BNC2: variants seen among roughly 807,000 people sequenced by gnomAD.
The protein encoded by BNC2 is basonuclin zinc finger protein 2.
A neutral mutation model predicts 76.3 loss-of-function variants in BNC2; 20 were observed. The observed-to-expected ratio is 0.26, with a 90% CI of 0.18 to 0.38. The LOEUF is 0.38. BNC2 is among the 10% of genes least tolerant of loss of function. The pLI, the probability that BNC2 is intolerant of heterozygous loss-of-function variation, is 1.00. For synonymous variants in BNC2, 582 were observed against 514.8 expected, an observed-to-expected ratio of 1.13 and a Z score of -1.77; for missense variants, 1,382 against 1,399.8, an observed-to-expected ratio of 0.99 and a Z score of 0.20.
chr9:16,776,907 C>T (rs1461614035), intron 1 of BNC2, among the ~76,000 whole-genome samples: 1 of 152,054 alleles, frequency 6.6e-6, no homozygotes, highest in Non-Finnish European at 1.5e-5. Context: ...GGGCGGATCA[C>T]CTGAGGTCAG....
chr9:16,788,484 C>T (rs1267144287), intron 1 of BNC2, among the ~76,000 whole-genome samples: 1 of 146,632 alleles, frequency 6.8e-6, no homozygotes, highest in Non-Finnish European at 1.5e-5. Context: ...ACCCAGGAGG[C>T]GGAGCTTGCA....
At chr9:16,593,171 AT>A (rs1298359027) in intron 3 of BNC2, among the ~76,000 whole-genome samples, 1 of 152,118 alleles carries the variant, frequency 6.6e-6, no homozygotes, top group African/African-American at 2.4e-5. Flanking sequence ...GATGAAAAAA[AT>A]TATTTCAGCA....
chr9:16,642,480 G>A (rs904213846), intron 3 of BNC2, among the ~76,000 whole-genome samples: 2 of 152,058 alleles, frequency 1.3e-5, no homozygotes, highest in African/African-American at 4.8e-5. Flanking sequence ...TCCACACTGA[G>A]AAAACAACAC....
rs144616218 is a variant in BNC2, at chr9:16,452,862, T to A, written c.670-15338A>T. On this transcript the variant is annotated intron_variant, in intron 5 of 6. Coordinates refer to ENST00000380672, the MANE Select transcript of BNC2 (RefSeq NM_017637.6). ...TAATTTCTGTTCTGCATCTGTTCAA[T>A]CTATTTTATAAGGAAAACTTCAACT... Among the ~76,000 whole-genome samples the A allele has an allele frequency of 3.1e-3, 467 of 152,324 alleles. 12 individuals carry two copies. The highest frequency in any genetic ancestry group is 0.026 in the Admixed American group (405 of 15,296).
chr9:16,709,839 T>C (rs1028307042), intron 3 of BNC2, among the ~76,000 whole-genome samples: 15 of 152,114 alleles, frequency 9.9e-5, no homozygotes, highest in African/African-American at 3.1e-4. Context: ...TTGGAATAAA[T>C]AGAAGAGAGT....
At chr9:16,793,229 T>C (rs1817559633) in intron 1 of BNC2, among the ~76,000 whole-genome samples, 1 of 152,214 alleles carries the variant, frequency 6.6e-6, no homozygotes, top group South Asian at 2.1e-4. Flanking sequence ...CTCAACACTT[T>C]ACATTCTTTT....
chr9:16,633,389 AAACTTC>A (rs1821223907), intron 3 of BNC2, among the ~76,000 whole-genome samples: 1 of 152,228 alleles, frequency 6.6e-6, no homozygotes, highest in South Asian at 2.1e-4. Context: ...TACTCCAGCT[AAACTTC>A]ATTTATGGCT....
intron 3 of BNC2, among the ~76,000 whole-genome samples, chr9:16,607,080 TG>T (rs1448501998): frequency 1.3e-5 from 2 of 151,722 alleles, no homozygotes; most frequent in Non-Finnish European, 2.9e-5. Context: ...CCCAAGTAGC[TG>T]GAACCACAGG....
intron 4 of BNC2, among the ~76,000 whole-genome samples, chr9:16,565,284 G>T (rs1819136580): frequency 6.6e-6 from 1 of 152,146 alleles, no homozygotes. Flanking sequence ...ACCTGGGTCA[G>T]AAGACCTTGG....
chr9:16,423,117 A>C (rs1247508880), intron 6 of BNC2, among the ~76,000 whole-genome samples: 1 of 152,218 alleles, frequency 6.6e-6, no homozygotes, highest in Non-Finnish European at 1.5e-5. Context: ...TGTATGTAAC[A>C]ATTGGAACAA....
chr9:16,696,590 G>GGATCA (rs1200629507), intron 3 of BNC2, among the ~76,000 whole-genome samples: 13 of 152,062 alleles, frequency 8.5e-5, no homozygotes, highest in South Asian at 2.1e-4. Flanking sequence ...TCTCTCCTTA[G>GGATCA]GATCAAGAAC....
chr9:16,628,937 T>C (rs980583877), intron 3 of BNC2, among the ~76,000 whole-genome samples: 1 of 152,170 alleles, frequency 6.6e-6, no homozygotes, highest in Non-Finnish European at 1.5e-5. Context: ...GTAATTAAAA[T>C]TTTTTTAATG....
chr9:16,812,909 C>A (rs1227060685), intron 1 of BNC2, among the ~76,000 whole-genome samples: 2 of 152,078 alleles, frequency 1.3e-5, no homozygotes, highest in Admixed American at 6.5e-5. Context: ...TATAAATTTT[C>A]AAAATAGAAA....
intron 3 of BNC2, among the ~76,000 whole-genome samples, chr9:16,583,484 T>G (rs1819684499): frequency 6.6e-6 from 1 of 152,164 alleles, no homozygotes; most frequent in Non-Finnish European, 1.5e-5. Context: ...AAAATAATAT[T>G]CAAGTGAAAT....
intron 1 of BNC2, among the ~76,000 whole-genome samples, chr9:16,829,074 C>T (rs1024540220): frequency 2.6e-5 from 4 of 152,150 alleles, no homozygotes; most frequent in African/African-American, 9.6e-5. Context: ...GGGCCTGGGG[C>T]GGCCTGGGAG....
At chr9:16,797,821 G>A (rs754496438) in intron 1 of BNC2, among the ~76,000 whole-genome samples, 1 of 152,088 alleles carries the variant, frequency 6.6e-6, no homozygotes, top group Non-Finnish European at 1.5e-5. Flanking sequence ...AGTGTGGCAT[G>A]AAAATTTATG....
At chr9:16,447,352 C>T (rs74874160) in intron 5 of BNC2, among the ~76,000 whole-genome samples, 12,285 of 152,074 alleles carry the variant, frequency 0.081, 515 homozygotes, top group Middle Eastern at 0.13. Flanking sequence ...AGGAGTCATA[C>T]TAAAATTTGT....
At chr9:16,623,862 T>C (rs1820926032) in intron 3 of BNC2, among the ~76,000 whole-genome samples, 1 of 152,206 alleles carries the variant, frequency 6.6e-6, no homozygotes, top group Non-Finnish European at 1.5e-5. Context: ...GGAAATAATG[T>C]TACCTTAGAA....
intron 3 of BNC2, among the ~76,000 whole-genome samples, chr9:16,619,638 CAT>C (rs1211783865): frequency 2.0e-5 from 3 of 152,074 alleles, no homozygotes; most frequent in East Asian, 1.9e-4. Flanking sequence ...TTTATAGCAC[CAT>C]ACCAGTTATT....
Sources: gnomAD v4.1 joint callset for allele counts (sites outside exome capture counted in the v4.1 genomes callset) on GRCh38, gnomAD v4.1.1 for gene constraint, MANE v1.5 for transcripts, NCBI Gene and HGNC (gene_info 2026-07-23, HGNC 2026-07-21) for gene names.